Variants in CCSER1 observed in about 807,000 individuals in gnomAD.
The protein encoded by CCSER1 is serine-rich coiled-coil domain-containing protein 1.
A neutral mutation model predicts 82.0 loss-of-function variants in CCSER1; 41 were observed. The ratio of observed to expected loss-of-function variants is 0.50; its 90% CI spans 0.39 to 0.65. The LOEUF (loss-of-function observed/expected upper bound fraction) is 0.65, where lower values mean the gene tolerates loss of function less well. Ranked by LOEUF, CCSER1 falls within the 30% of genes least tolerant of loss-of-function variation. The pLI, the probability that CCSER1 is intolerant of heterozygous loss-of-function variation, is 0.00. For synonymous variants in CCSER1, 414 were observed against 383.9 expected (o/e 1.08, Z -0.92); for missense variants, 1,119 against 1,064.2 (o/e 1.05, Z -0.72).
intron 1 of CCSER1, among the ~76,000 whole-genome samples, chr4:90,247,911 C>T (rs762770623): frequency 6.6e-6 from 1 of 151,858 alleles, no homozygotes. Context: ...AATTTCCCAA[C>T]CTGTAGTGAA....
At chr4:90,539,883 T>C (rs933093252) in intron 5 of CCSER1, among the ~76,000 whole-genome samples, 3 of 152,100 alleles carry the variant, frequency 2.0e-5, no homozygotes, top group Non-Finnish European at 2.9e-5. Flanking sequence ...GTGTGTGGTT[T>C]ATATAAGTAG....
chr4:91,433,059 TATA>T (rs2149395487), intron 10 of CCSER1, among the ~76,000 whole-genome samples: 1 of 152,294 alleles, frequency 6.6e-6, no homozygotes, highest in East Asian at 1.9e-4. Context: ...AAATAAGTGA[TATA>T]ATAATATATA....
intron 1 of CCSER1, among the ~76,000 whole-genome samples, chr4:90,267,460 A>C (rs1725449621): frequency 6.6e-6 from 1 of 152,070 alleles, no homozygotes; most frequent in Admixed American, 6.6e-5. Context: ...TGGGTTCGCT[A>C]CCTGCTGATT....
At chr4:91,386,582 G>T (rs1751301932) in intron 10 of CCSER1, among the ~76,000 whole-genome samples, 2 of 152,018 alleles carry the variant, frequency 1.3e-5, no homozygotes, top group African/African-American at 4.8e-5. Flanking sequence ...TAAGTCTATG[G>T]GAAATTATGA....
intron 8 of CCSER1, among the ~76,000 whole-genome samples, chr4:90,877,779 T>TA (rs1720568787): frequency 6.6e-6 from 1 of 152,020 alleles, no homozygotes; most frequent in Non-Finnish European, 1.5e-5. Flanking sequence ...TCTTGCATGA[T>TA]ACCACTACAT....
At chr4:91,035,900 T>C (rs1378626750) in intron 9 of CCSER1, among the ~76,000 whole-genome samples, 1 of 152,200 alleles carries the variant, frequency 6.6e-6, no homozygotes, top group Non-Finnish European at 1.5e-5. Context: ...ATGCAACCTT[T>C]GTATGTTTTC....
chr4:91,428,198 T>C (rs1754100436), intron 10 of CCSER1, among the ~76,000 whole-genome samples: 1 of 152,050 alleles, frequency 6.6e-6, no homozygotes, highest in Non-Finnish European at 1.5e-5. Context: ...TTATCATCCA[T>C]CCACTTACAA....
chr4:90,963,858 TAAAG>T (rs1333880296), intron 9 of CCSER1, among the ~76,000 whole-genome samples: 3 of 152,128 alleles, frequency 2.0e-5, no homozygotes, highest in African/African-American at 4.8e-5. Flanking sequence ...TAAAAAAAAA[TAAAG>T]AAAATTTAAT....
At chr4:91,470,886 T>C (rs1757236784) in intron 10 of CCSER1, among the ~76,000 whole-genome samples, 1 of 152,160 alleles carries the variant, frequency 6.6e-6, no homozygotes, top group South Asian at 2.1e-4. Context: ...ATAAATAGGA[T>C]ATATTCATAG....
chr4:90,368,644 A>G lies in CCSER1; in HGVS notation c.1510-31392A>G, dbSNP rs115288721. Among the ~76,000 whole-genome samples, 1,216 of 151,860 alleles carry G rather than the reference A, an allele frequency of 8.0e-3. 16 individuals carry two copies. Among genetic ancestry groups the G allele is most frequent in the African/African-American group, 0.028 (1,171 of 41,452 alleles). ...GATACTCTGTCTCAAAACAAAAACA[A>G]AGTCTTTACTCAAATGTCATCTCTC... On this transcript the variant is annotated intron_variant, in intron 3 of 10. Coordinates refer to ENST00000509176, the MANE Select transcript of CCSER1 (RefSeq NM_001145065.2).
At chr4:91,320,673 G>T (rs1250819636) in intron 10 of CCSER1, among the ~76,000 whole-genome samples, 1 of 151,928 alleles carries the variant, frequency 6.6e-6, no homozygotes, top group Non-Finnish European at 1.5e-5. Context: ...ACTGTAAATG[G>T]GTACTTTCTG....
chr4:90,794,890 T>C (rs1291756796), intron 7 of CCSER1, among the ~76,000 whole-genome samples: 1 of 152,182 alleles, frequency 6.6e-6, no homozygotes, highest in African/African-American at 2.4e-5. Flanking sequence ...TCACTTCCCT[T>C]GTTAGCTGTA....
At chr4:90,220,188 T>G (rs2153420651) in intron 1 of CCSER1, among the ~76,000 whole-genome samples, 1 of 152,314 alleles carries the variant, frequency 6.6e-6, no homozygotes, top group East Asian at 1.9e-4. Flanking sequence ...AATTAAACTT[T>G]ATCATAGGTG....
At chr4:91,476,963 A>T (rs1005300578) in intron 10 of CCSER1, among the ~76,000 whole-genome samples, 14 of 151,790 alleles carry the variant, frequency 9.2e-5, no homozygotes, top group Admixed American at 7.9e-4. Context: ...TGAAACTACT[A>T]GAAGAAAACA....
chr4:90,961,052 G>T (rs1734005253), intron 9 of CCSER1, among the ~76,000 whole-genome samples: 1 of 152,080 alleles, frequency 6.6e-6, no homozygotes, highest in South Asian at 2.1e-4. Context: ...CCAGCCACTA[G>T]AGCACCAGAA....
chr4:90,867,391 G>GT (rs1765876776), intron 8 of CCSER1, among the ~76,000 whole-genome samples: 2 of 151,956 alleles, frequency 1.3e-5, no homozygotes, highest in Non-Finnish European at 2.9e-5. Context: ...CATGCTTACA[G>GT]TTTTTTAAAA....
chr4:90,326,674 G>A (rs1738270924), intron 3 of CCSER1, among the ~76,000 whole-genome samples: 2 of 152,110 alleles, frequency 1.3e-5, no homozygotes, highest in Non-Finnish European at 2.9e-5. Context: ...GAAACATTAA[G>A]AATTTTATTG....
At chr4:91,568,422 A>G (rs1309839507) in intron 10 of CCSER1, among the ~76,000 whole-genome samples, 1 of 152,020 alleles carries the variant, frequency 6.6e-6, no homozygotes, top group Non-Finnish European at 1.5e-5. Context: ...TTTTTCATGG[A>G]CGATATCCTG....
At chr4:90,523,348 G>T (rs77355259) in intron 5 of CCSER1, among the ~76,000 whole-genome samples, 5,274 of 152,142 alleles carry the variant, frequency 0.035, 335 homozygotes, top group African/African-American at 0.12. Flanking sequence ...ATTTAAATTT[G>T]TTTCTATTTG....
Sources: allele counts gnomAD v4.1 joint callset (sites outside exome capture counted in the v4.1 genomes callset), GRCh38; gene constraint gnomAD v4.1.1; transcripts MANE v1.5; gene names NCBI Gene and HGNC (gene_info 2026-07-23, HGNC 2026-07-21).